Variants in TNS1 observed in about 807,000 individuals in gnomAD.
TNS1 encodes tensin 1.
A neutral mutation model predicts 168.6 loss-of-function variants in TNS1; 62 were observed. The observed-to-expected ratio is 0.37, with a 90% CI of 0.30 to 0.45. The LOEUF (loss-of-function observed/expected upper bound fraction) is 0.45, where lower values mean the gene tolerates loss of function less well. Among genes scored for constraint, TNS1 ranks in the 20% least tolerant of loss-of-function variants. TNS1 has a pLI of 1.00. For missense variants in TNS1, 2,240 were observed against 2,339.4 expected (o/e 0.96, Z 0.88); for synonymous variants, 934 against 933.2 (o/e 1.00, Z -0.02).
Position 217,897,962 on chromosome 2 carries a change from T to C in TNS1, c.379A>G (p.Ser127Gly). 1 of 1,604,494 alleles carries C rather than the reference T, an allele frequency of 6.2e-7. No individual in the cohort carries two copies. Among genetic ancestry groups the C allele is most frequent in the South Asian group, 1.1e-5 (1 of 89,502 alleles). ...CTGTCCTCCATGGTCCGGCTCACACTCATGTTTCTAGGGAGACAGCAGGCA... is the reference window on the plus strand; with the variant it reads ...CTGTCCTCCATGGTCCGGCTCACACCCATGTTTCTAGGGAGACAGCAGGCA... ...QPHLQPIRNM[S>G]VSRTMEDSCE... The change falls in exon 8 of 33, where the codon AGT (serine) becomes GGT (glycine). Residue 127 changes from serine (S) to glycine (G), a missense_variant. Physicochemically the swap from Ser to Gly is moderately conservative, Grantham distance 56. This residue lies in a region of TNS1 where 2,131 missense variants were observed against 2,171.2 expected (regional missense o/e 0.98). Transcript: ENST00000682258.
Position 217,804,520 on chromosome 2 carries a change from G to A in TNS1, c.5459C>T (p.Pro1820Leu), listed in dbSNP as rs1466164129. The change falls in exon 33 of 33, where the codon CCG becomes CTG. Residue 1820 changes from proline to leucine, a missense_variant. Physicochemically the swap from Pro to Leu is moderately conservative, Grantham distance 98. Around this residue, in one of 2 missense-constraint regions of TNS1, gnomAD observed 109 missense variants for 168.1 expected, o/e 0.65. Transcript: ENST00000682258. ...GACGAAGTTGACGATGGCAGAGGCC[G>A]GCTGGTTGGGGTCAAGCTCAGCAAA... is the stretch of plus-strand genomic sequence containing the variant. Reference protein sequence around the residue: ...HLFAELDPNQPASAIVNFVSK... With the variant: ...HLFAELDPNQLASAIVNFVSK... 4.3e-6 allele frequency: 7 copies of A among 1,614,140 alleles called. No individual in the cohort carries two copies. Among genetic ancestry groups the A allele is most frequent in the East Asian group, 4.5e-5 (2 of 44,876 alleles).
chr2:217,809,719 T>C (rs866872594), intron 30 of TNS1, 104 bp downstream of exon 30: 1 of 1,212,772 alleles, frequency 8.2e-7, no homozygotes, highest in East Asian at 2.4e-5. Context: ...AGATGAGCAG[T>C]TGGGTGCAAG....
intron 3 of TNS1, among the ~76,000 whole-genome samples, chr2:217,924,597 C>G (rs894555213): frequency 1.3e-5 from 2 of 152,190 alleles, no homozygotes; most frequent in East Asian, 3.9e-4. Flanking sequence ...CCACTTGTGG[C>G]CACAATCGCT....
chr2:218,031,901 G>A (rs533862618), intron 1 of TNS1, among the ~76,000 whole-genome samples: 2 of 152,320 alleles, frequency 1.3e-5, no homozygotes, highest in East Asian at 1.9e-4. Context: ...AACGGAAGAG[G>A]CAACAGCAGC....
intron 4 of TNS1, among the ~76,000 whole-genome samples, chr2:217,914,547 C>T (rs1954790710): frequency 6.7e-6 from 1 of 150,354 alleles, no homozygotes; most frequent in African/African-American, 2.4e-5. Context: ...GAGTCTCGCT[C>T]TGTCGCCAGA....
chr2:217,813,843 G>C lies in TNS1; in HGVS notation c.4730-27C>G. On this transcript the variant is annotated intron_variant, in intron 25 of 32. Transcript: ENST00000682258. This position sits in a 1 kb window ranked among gnomAD's most constrained non-coding sequence, Gnocchi z 4.0. ...TGCATGGGGAAGGGACAAGGAGAGA[G>C]GAGGAAGCAAGACCTCGGTGGCGCT... 6.4e-7 allele frequency: 1 copy of C among 1,570,182 alleles called. No individual in the cohort carries two copies. The highest frequency in any genetic ancestry group is 8.6e-7 in the Non-Finnish European group (1 of 1,156,688).
At chr2:217,861,415 A>C (rs1948774494) in intron 18 of TNS1, among the ~76,000 whole-genome samples, 1 of 152,100 alleles carries the variant, frequency 6.6e-6, no homozygotes, top group Admixed American at 6.5e-5. Context: ...GTTCTTTATC[A>C]CTTTGAAGCA....
chr2:217,988,769 AC>A (rs1349073702), intron 2 of TNS1, among the ~76,000 whole-genome samples: 3 of 152,058 alleles, frequency 2.0e-5, no homozygotes, highest in African/African-American at 7.2e-5. Context: ...CTGAGAGCCC[AC>A]GTCCTGAAAT....
chr2:217,858,700 A>ACACACACACACACACACCCC (rs1212064824), intron 18 of TNS1: 1 of 188,238 alleles, frequency 5.3e-6, no homozygotes, highest in African/African-American at 2.6e-5. Flanking sequence ...ACACACACAC[A>ACACACACACACACACACCCC]CCCCACTCCC....
chr2:218,024,303 C>A (rs1356534424), intron 1 of TNS1, among the ~76,000 whole-genome samples: 1 of 150,326 alleles, frequency 6.7e-6, no homozygotes, highest in South Asian at 2.1e-4. Context: ...AAACCACCCA[C>A]CCCCCCATCC....
chr2:218,013,518 C>A (rs1399762000), upstream of TNS1, among the ~76,000 whole-genome samples: 1 of 152,192 alleles, frequency 6.6e-6, no homozygotes, highest in East Asian at 1.9e-4. Flanking sequence ...GGAGGTCCAA[C>A]AGTGGCCCCC....
At chr2:217,897,225 C>T (rs550473795) in intron 8 of TNS1, among the ~76,000 whole-genome samples, 2 of 152,304 alleles carry the variant, frequency 1.3e-5, no homozygotes, top group East Asian at 3.9e-4. Flanking sequence ...TTAGTGGAGA[C>T]CACCGCCAGC....
At chr2:217,893,388 ATG>A in intron 10 of TNS1, 49 bp downstream of exon 10, 1 of 1,495,324 alleles carries the variant, frequency 6.7e-7, no homozygotes. Context: ...ACATGTGCGC[ATG>A]TGCGCGCGCG....
At chr2:217,861,404 C>T (rs1040003206) in intron 18 of TNS1, among the ~76,000 whole-genome samples, 2 of 152,196 alleles carry the variant, frequency 1.3e-5, no homozygotes, top group African/African-American at 4.8e-5. Context: ...TGCTTCCAGT[C>T]GTTCTTTATC....
chr2:218,025,894 CCG>C (rs1332767046), intron 1 of TNS1, among the ~76,000 whole-genome samples: 4 of 152,096 alleles, frequency 2.6e-5, no homozygotes, highest in African/African-American at 9.7e-5. Flanking sequence ...GTTGGCTTTG[CCG>C]AACTCCTCTC....
intron 3 of TNS1, among the ~76,000 whole-genome samples, chr2:217,966,178 G>A (rs1412882205): frequency 6.6e-6 from 1 of 152,092 alleles, no homozygotes; most frequent in Admixed American, 6.5e-5. Flanking sequence ...GACCTTTGGG[G>A]AGCCACATTC....
chr2:217,813,604 C>T lies in TNS1; in HGVS notation c.4861+81G>A. On this transcript the variant is annotated intron_variant, in intron 26 of 32. Coordinates refer to ENST00000682258, the MANE Select transcript of TNS1 (RefSeq NM_001387777.1). This position sits in a 1 kb window ranked among gnomAD's most constrained non-coding sequence, Gnocchi z 4.0. ...TGGGAGTTAAGGTCCTGCCCAGCAC[C>T]CTGGGTCCCTCCAGCACCTCCAGGT... The T allele has an allele frequency of 1.3e-6, 2 of 1,526,828 alleles. No individual in the cohort carries two copies. Among genetic ancestry groups the T allele is most frequent in the South Asian group, 1.3e-5 (1 of 75,996 alleles). 94.6% of individuals were successfully genotyped at this position (1,526,828 alleles called of 1,614,324 possible). A position where few individuals can be genotyped will look rare whatever the true frequency, so the allele number is the denominator to read the frequency against.
At chr2:217,943,473 C>T (rs1272503459) in intron 3 of TNS1, among the ~76,000 whole-genome samples, 1 of 152,196 alleles carries the variant, frequency 6.6e-6, no homozygotes, top group Non-Finnish European at 1.5e-5. Context: ...AAGCTTCCCC[C>T]TCCCTTGGTC....
intron 3 of TNS1, among the ~76,000 whole-genome samples, chr2:217,974,695 A>C (rs1246890313): frequency 1.3e-5 from 2 of 152,218 alleles, no homozygotes; most frequent in East Asian, 3.8e-4. Flanking sequence ...GAAAGGAGAA[A>C]GGTGCCTACT....
Sources: gnomAD v4.1 joint callset for allele counts (sites outside exome capture counted in the v4.1 genomes callset) on GRCh38, gnomAD v4.1.1 for gene constraint, gnomAD v4.1.1 regional missense constraint, Gnocchi (gnomAD v3.1) non-coding constraint, MANE v1.5 for transcripts, NCBI Gene and HGNC (gene_info 2026-07-23, HGNC 2026-07-21) for gene names.